Variants in CDH13 observed in about 807,000 individuals in gnomAD.
CDH13 encodes the protein cadherin-13.
Under a neutral mutation model 63.8 loss-of-function variants are expected in CDH13, and 24 were observed. That is an observed-to-expected ratio of 0.38 (90% confidence interval 0.27 to 0.53). CDH13 has a LOEUF of 0.53. Among genes scored for constraint, CDH13 ranks in the 20% least tolerant of loss-of-function variants. The pLI, the probability that CDH13 is intolerant of heterozygous loss-of-function variation, is 0.85. For missense variants in CDH13, 1,049 were observed against 903.1 expected, an observed-to-expected ratio of 1.16 and a Z score of -2.07; for synonymous variants, 503 against 355.3, an observed-to-expected ratio of 1.42 and a Z score of -4.67.
intron 1 of CDH13, among the ~76,000 whole-genome samples, chr16:82,822,132 T>TAA (rs2038032339): frequency 6.6e-6 from 1 of 152,108 alleles, no homozygotes; most frequent in Admixed American, 6.5e-5. Context: ...CAAGTGACAT[T>TAA]AACAGCAATC....
intron 2 of CDH13, among the ~76,000 whole-genome samples, chr16:83,017,436 T>G (rs1275779402): frequency 6.6e-6 from 1 of 152,184 alleles, no homozygotes; most frequent in Non-Finnish European, 1.5e-5. Flanking sequence ...AGGAATCCAC[T>G]CTCTTTCCCA....
chr16:82,887,077 A>G (rs937056540), intron 2 of CDH13, among the ~76,000 whole-genome samples: 1 of 152,188 alleles, frequency 6.6e-6, no homozygotes, highest in Non-Finnish European at 1.5e-5. Flanking sequence ...CTCCTTTTAA[A>G]TAGGGCAAAG....
At chr16:83,156,766 T>A (rs1043450053) in intron 4 of CDH13, among the ~76,000 whole-genome samples, 1 of 152,144 alleles carries the variant, frequency 6.6e-6, no homozygotes, top group Non-Finnish European at 1.5e-5. Flanking sequence ...AATCCTATGC[T>A]CCTTTATTCC....
chr16:82,656,528 C>T (rs967214649), intron 1 of CDH13, among the ~76,000 whole-genome samples: 1 of 152,138 alleles, frequency 6.6e-6, no homozygotes, highest in Non-Finnish European at 1.5e-5. Flanking sequence ...ATCAACATCC[C>T]ACATCAGAAT....
intron 11 of CDH13, among the ~76,000 whole-genome samples, chr16:83,771,436 C>T (rs1216261888): frequency 6.6e-6 from 1 of 152,176 alleles, no homozygotes; most frequent in African/African-American, 2.4e-5. Flanking sequence ...GAGGCTCTTA[C>T]AAGTTGTCAG....
chr16:83,716,539 A>G (rs1908929984), intron 10 of CDH13, among the ~76,000 whole-genome samples: 1 of 152,098 alleles, frequency 6.6e-6, no homozygotes, highest in Non-Finnish European at 1.5e-5. Flanking sequence ...GCTGGAGTGC[A>G]GTGGTGCAGT....
chr16:83,514,721 G>T (rs1441591726), intron 7 of CDH13, among the ~76,000 whole-genome samples: 1 of 152,182 alleles, frequency 6.6e-6, no homozygotes, highest in African/African-American at 2.4e-5. Context: ...TAAAGTTGGA[G>T]GCAGAGAGTG....
chr16:82,977,352 C>T (rs1048296187), intron 2 of CDH13, among the ~76,000 whole-genome samples: 2 of 152,184 alleles, frequency 1.3e-5, no homozygotes, highest in African/African-American at 2.4e-5. Flanking sequence ...AGCATTAAGT[C>T]ACCCACATGC....
intron 4 of CDH13, among the ~76,000 whole-genome samples, chr16:83,199,425 G>C (rs2038963197): frequency 6.6e-6 from 1 of 152,156 alleles, no homozygotes; most frequent in Non-Finnish European, 1.5e-5. Flanking sequence ...TTCTGTACCT[G>C]TTCCTCCCCC....
In CDH13 at chr16:83,760,283, C is replaced by T. The variant is rs912538985; in HGVS notation, c.1681+12033C>T. On this transcript the variant is annotated intron_variant, in intron 11 of 13. Coordinates refer to ENST00000567109, the MANE Select transcript of CDH13 (RefSeq NM_001257.5). ...TAGAAGTGTAAATTGGGTACAGCCACGTTGGAAACATAGTATCAACTAAAG... is the reference window on the plus strand; with the variant it reads ...TAGAAGTGTAAATTGGGTACAGCCATGTTGGAAACATAGTATCAACTAAAG... Among the ~76,000 whole-genome samples the T allele has an allele frequency of 1.1e-4, 16 of 152,276 alleles. No homozygotes were observed. In the Middle Eastern group the frequency reaches 0.01, roughly 97 times the overall value.
At chr16:83,588,873 C>G (rs144964164) in intron 7 of CDH13, among the ~76,000 whole-genome samples, 2 of 152,180 alleles carry the variant, frequency 1.3e-5, no homozygotes, top group Non-Finnish European at 2.9e-5. Flanking sequence ...GGTGAGGCCA[C>G]GCACCACGTG....
intron 7 of CDH13, among the ~76,000 whole-genome samples, chr16:83,549,896 G>A (rs1416943688): frequency 6.6e-6 from 1 of 152,128 alleles, no homozygotes; most frequent in Non-Finnish European, 1.5e-5. Context: ...ACAGAGAGGG[G>A]AAGACTCTGA....
At chr16:83,416,976 TA>T (rs1227914588) in intron 6 of CDH13, among the ~76,000 whole-genome samples, 1 of 152,232 alleles carries the variant, frequency 6.6e-6, no homozygotes, top group Non-Finnish European at 1.5e-5. Context: ...GCCATAATTT[TA>T]AAAATAGTGT....
At chr16:83,125,820 G>T (rs1394957724) in intron 4 of CDH13, among the ~76,000 whole-genome samples, 1 of 152,050 alleles carries the variant, frequency 6.6e-6, no homozygotes, top group African/African-American at 2.4e-5. Context: ...ACCAGATAGG[G>T]CCCCCTAGGA....
intron 8 of CDH13, among the ~76,000 whole-genome samples, chr16:83,652,101 C>G (rs1912437273): frequency 6.6e-6 from 1 of 152,190 alleles, no homozygotes; most frequent in Non-Finnish European, 1.5e-5. Context: ...CATCAGCCAC[C>G]TCTGGAAGGA....
intron 3 of CDH13, among the ~76,000 whole-genome samples, chr16:83,102,467 G>A (rs932582777): frequency 1.4e-4 from 22 of 152,154 alleles, no homozygotes; most frequent in African/African-American, 5.1e-4. Flanking sequence ...GAGCTGGAGT[G>A]AGTCAGGGGA....
chr16:82,981,998 T>C (rs1356643169), intron 2 of CDH13, among the ~76,000 whole-genome samples: 2 of 152,198 alleles, frequency 1.3e-5, no homozygotes, highest in South Asian at 2.1e-4. Flanking sequence ...CATTGGACTA[T>C]TCTGGAACAG....
chr16:82,707,402 G>C (rs1290063438), intron 1 of CDH13, among the ~76,000 whole-genome samples: 2 of 152,188 alleles, frequency 1.3e-5, no homozygotes, highest in African/African-American at 2.4e-5. Context: ...GAATGAGCAG[G>C]GGTATAATGG....
chr16:83,567,785 T>C (rs1294386388), intron 7 of CDH13, among the ~76,000 whole-genome samples: 1 of 151,362 alleles, frequency 6.6e-6, no homozygotes, highest in Admixed American at 6.6e-5. Flanking sequence ...TTAGTAGAGA[T>C]GGGGTTTCAC....
Sources: allele counts gnomAD v4.1 joint callset (sites outside exome capture counted in the v4.1 genomes callset), GRCh38; gene constraint gnomAD v4.1.1; transcripts MANE v1.5; gene names NCBI Gene and HGNC (gene_info 2026-07-23, HGNC 2026-07-21).